Variants in PPFIBP1 observed in about 807,000 individuals in gnomAD.
PPFIBP1 encodes the protein liprin-beta-1.
In PPFIBP1, 112 loss-of-function variants were observed where a neutral mutation model predicts 137.8. The observed-to-expected ratio is 0.81, with a 90% CI of 0.70 to 0.95. The LOEUF is 0.95. Ranked by LOEUF, PPFIBP1 falls within the 40% of genes least tolerant of loss-of-function variation. The pLI is 0.00. For synonymous variants in PPFIBP1, 378 were observed against 417.3 expected, an observed-to-expected ratio of 0.91 and a Z score of 1.15; for missense variants, 1,083 against 1,196.6, an observed-to-expected ratio of 0.91 and a Z score of 1.40.
At chr12:27,674,010 A>G (rs1190308307) in intron 16 of PPFIBP1, among the ~76,000 whole-genome samples, 182 bp from the exon 17 acceptor site, 1 of 152,216 alleles carries the variant, frequency 6.6e-6, no homozygotes, top group Non-Finnish European at 1.5e-5. Flanking sequence ...AGGATTGAAA[A>G]TAGTATGTAA....
chr12:27,582,227 T>TGC (rs1251717322), intron 2 of PPFIBP1, among the ~76,000 whole-genome samples: 2 of 152,216 alleles, frequency 1.3e-5, no homozygotes. Flanking sequence ...TATGTGTGTG[T>TGC]GCATACATGC....
At chr12:27,619,478 C>T (rs2056121025) in intron 2 of PPFIBP1, among the ~76,000 whole-genome samples, 1 of 152,042 alleles carries the variant, frequency 6.6e-6, no homozygotes, top group African/African-American at 2.4e-5. Context: ...CATCAAATTT[C>T]AGTGTAAAGG....
At chr12:27,578,341 A>ACT (rs2050740695) in intron 2 of PPFIBP1, 102 bp downstream of exon 2, 1 of 151,992 alleles carries the variant, frequency 6.6e-6, no homozygotes, top group Non-Finnish European at 1.5e-5. Flanking sequence ...AAGTTACTTG[A>ACT]CTCTAGTGAG....
intron 1 of PPFIBP1, among the ~76,000 whole-genome samples, chr12:27,550,524 G>A (rs1946659585): frequency 6.6e-6 from 1 of 152,106 alleles, no homozygotes; most frequent in South Asian, 2.1e-4. Context: ...TGGTGTTAGG[G>A]GTTTGTATGG....
intron 2 of PPFIBP1, among the ~76,000 whole-genome samples, chr12:27,582,033 C>A (rs2051181412): frequency 6.6e-6 from 1 of 151,628 alleles, no homozygotes; most frequent in Non-Finnish European, 1.5e-5. Context: ...GCTATTTGCT[C>A]ATCTTGTCAA....
rs1394142472 is a variant in PPFIBP1, at chr12:27,688,362, C to T, written c.2435C>T (p.Ser812Phe). Residue 812 changes from serine to phenylalanine, a missense_variant, in exon 26 of 30, where the codon TCC (serine) becomes TTC (phenylalanine). Transcript: ENST00000228425. ...CATCGAGTGATGGAGTGGCTGCGCT[C>T]CGTGGACTTGGCAGAATATGCGCCC... ...TNHRVMEWLRSVDLAEYAPNL... is the reference protein window; with the variant it reads ...TNHRVMEWLRFVDLAEYAPNL... The T allele has an allele frequency of 1.2e-6, 2 of 1,614,156 alleles. No homozygotes were observed. Among genetic ancestry groups the T allele is most frequent in the South Asian group, 2.2e-5 (2 of 91,082 alleles).
chr12:27,650,645 A>G (rs940119487), intron 7 of PPFIBP1, among the ~76,000 whole-genome samples: 48 of 152,220 alleles, frequency 3.2e-4, no homozygotes, highest in African/African-American at 1.1e-3. Context: ...TCTGTTCCAC[A>G]TGTAAATCAT....
chr12:27,597,051 C>G (rs1033659549), intron 2 of PPFIBP1, among the ~76,000 whole-genome samples: 9 of 152,126 alleles, frequency 5.9e-5, no homozygotes, highest in African/African-American at 2.2e-4. Flanking sequence ...GAAGAAAATC[C>G]GTTGAGGGGA....
intron 2 of PPFIBP1, among the ~76,000 whole-genome samples, chr12:27,615,919 C>T (rs577081322): frequency 2.0e-5 from 3 of 152,074 alleles, no homozygotes; most frequent in South Asian, 2.1e-4. Flanking sequence ...AGTCATCTGG[C>T]GGATAAAGGC....
intron 5 of PPFIBP1, 59 bp from the exon 6 acceptor site, chr12:27,647,670 C>A: frequency 4.0e-6 from 4 of 993,540 alleles, no homozygotes; most frequent in African/African-American, 1.7e-5. Context: ...AGAGAAATAA[C>A]GTATGCAGTG....
intron 2 of PPFIBP1, among the ~76,000 whole-genome samples, chr12:27,595,467 A>G (rs113332319): frequency 6.6e-6 from 1 of 152,204 alleles, no homozygotes; most frequent in African/African-American, 2.4e-5. Flanking sequence ...TACCATGGCA[A>G]CAGAAAGACC....
At chr12:27,617,940 T>C (rs2055942391) in intron 2 of PPFIBP1, among the ~76,000 whole-genome samples, 1 of 152,168 alleles carries the variant, frequency 6.6e-6, no homozygotes, top group Admixed American at 6.5e-5. Context: ...TAAAAGCAAG[T>C]TTTCAAGTTC....
At chr12:27,621,320 C>T (rs576214630) in intron 2 of PPFIBP1, among the ~76,000 whole-genome samples, 1 of 152,354 alleles carries the variant, frequency 6.6e-6, no homozygotes, top group South Asian at 2.1e-4. Context: ...TTTGCCAACT[C>T]CTGGGTTGGG....
chr12:27,647,710 T>C lies in PPFIBP1; in HGVS notation c.358-19T>C, dbSNP rs1281631940. 15 of 1,516,052 alleles carry C rather than the reference T, an allele frequency of 9.9e-6. No homozygotes were observed. The highest frequency in any genetic ancestry group is 1.3e-5 in the Non-Finnish European group (15 of 1,122,602). 93.9% of individuals were successfully genotyped at this position (1,516,052 alleles called of 1,614,324 possible). A position where few individuals can be genotyped will look rare whatever the true frequency, so the allele number is the denominator to read the frequency against. ...CCAAATTCTTTTTCACTCATTGCAT[T>C]ATTTTGCTCTAAATACAGGTAAGTG... On this transcript the variant is annotated intron_variant, in intron 5 of 29. Coordinates refer to ENST00000228425, the MANE Select transcript of PPFIBP1 (RefSeq NM_003622.4).
At chr12:27,571,638 A>G (rs756589023) in intron 1 of PPFIBP1, among the ~76,000 whole-genome samples, 9 of 152,206 alleles carry the variant, frequency 5.9e-5, no homozygotes, top group African/African-American at 1.7e-4. Flanking sequence ...TTTCAGACCT[A>G]TGATGACCTC....
intron 1 of PPFIBP1, among the ~76,000 whole-genome samples, chr12:27,545,492 G>A (rs1209366254): frequency 1.3e-5 from 2 of 152,200 alleles, no homozygotes; most frequent in African/African-American, 4.8e-5. Context: ...AGCCAGGATA[G>A]TACATATGAG....
intron 2 of PPFIBP1, among the ~76,000 whole-genome samples, chr12:27,623,961 T>C (rs1270511648): frequency 6.6e-6 from 1 of 152,124 alleles, no homozygotes; most frequent in East Asian, 1.9e-4. Context: ...AGCACACAGC[T>C]TCATCCAGGA....
Position 27,693,185 on chromosome 12 carries a change from C to T in PPFIBP1, c.*303C>T, listed in dbSNP as rs7309005. On this transcript the variant is annotated 3_prime_UTR_variant, in exon 30 of 30. Coordinates refer to ENST00000228425, the MANE Select transcript of PPFIBP1 (RefSeq NM_003622.4). ...TTACCAGAGTGTTTCCATTCATATC[C>T]GCGGTATGGAGGATTTGAGGAACAG... 0.045 allele frequency: 11,042 copies of T among 247,272 alleles called. 1,249 individuals carry two copies. Among genetic ancestry groups the T allele is most frequent in the African/African-American group, 0.23 (10,278 of 43,826 alleles). 15.3% of individuals were successfully genotyped at this position (247,272 alleles called of 1,614,324 possible).
At chr12:27,556,370 A>G (rs10842932) in intron 1 of PPFIBP1, among the ~76,000 whole-genome samples, 1 of 152,050 alleles carries the variant, frequency 6.6e-6, no homozygotes, top group Non-Finnish European at 1.5e-5. Flanking sequence ...AACGTTTGTT[A>G]TCATAGAGTG....
Sources: gnomAD v4.1 joint callset for allele counts (sites outside exome capture counted in the v4.1 genomes callset) on GRCh38, gnomAD v4.1.1 for gene constraint, MANE v1.5 for transcripts, NCBI Gene and HGNC (gene_info 2026-07-23, HGNC 2026-07-21) for gene names.